The following ACTR3C variants were observed in gnomAD, a reference collection of about 807,000 sequenced individuals.
ACTR3C encodes the protein actin related protein 3C.
Under a neutral mutation model 26.3 loss-of-function variants are expected in ACTR3C, and 18 were observed. That is an observed-to-expected ratio of 0.68 (90% CI 0.47 to 1.01). The LOEUF is 1.01. ACTR3C is among the 50% of genes least tolerant of loss of function. The pLI, the probability that ACTR3C is intolerant of heterozygous loss-of-function variation, is 0.00. For synonymous variants in ACTR3C, 55 were observed against 94.5 expected (o/e 0.58, Z 2.42); for missense variants, 184 against 250.7 (o/e 0.73, Z 1.80).
chr7:150,006,989 C>A, the ACTR3C span, among the ~76,000 whole-genome samples: 4 of 152,112 alleles, frequency 2.6e-5, no homozygotes, highest in Non-Finnish European at 5.9e-5. Context: ...GTTTGTGGAC[C>A]AACAGCATCT....
At chr7:150,299,777 C>T (rs1041933363) in intron 1 of ACTR3C, among the ~76,000 whole-genome samples, 1 of 152,000 alleles carries the variant, frequency 6.6e-6, no homozygotes, top group African/African-American at 2.4e-5. Context: ...CAAGAGTTAA[C>T]TCCATCTCAA....
At chr7:149,894,963 A>G in the ACTR3C span, among the ~76,000 whole-genome samples, 3 of 152,040 alleles carry the variant, frequency 2.0e-5, no homozygotes, top group Admixed American at 1.3e-4. Context: ...ACTATTCACA[A>G]TAACCAAGAT....
intron 1 of ACTR3C, among the ~76,000 whole-genome samples, chr7:150,311,862 A>G (rs150210891): frequency 1.5e-3 from 228 of 152,328 alleles, no homozygotes; most frequent in Non-Finnish European, 2.4e-3. Context: ...CTCTCTCGCC[A>G]AAGGAATGCA....
At chr7:150,006,491 A>C in the ACTR3C span, among the ~76,000 whole-genome samples, 1 of 149,382 alleles carries the variant, frequency 6.7e-6, no homozygotes, top group Non-Finnish European at 1.5e-5. Context: ...GCCACCGCAA[A>C]CGGCCCAGAA....
At chr7:150,186,296 A>T in the ACTR3C span, among the ~76,000 whole-genome samples, 1 of 152,204 alleles carries the variant, frequency 6.6e-6, no homozygotes, top group African/African-American at 2.4e-5. Context: ...TGTCAGGGAA[A>T]TTTATCACGG....
At chr7:150,159,290 T>C in the ACTR3C span, among the ~76,000 whole-genome samples, 3 of 151,950 alleles carry the variant, frequency 2.0e-5, no homozygotes, top group Non-Finnish European at 4.4e-5. Context: ...GGGCTTGGTA[T>C]GTCTTCATTT....
At chr7:150,124,180 C>T in the ACTR3C span, among the ~76,000 whole-genome samples, 2 of 152,180 alleles carry the variant, frequency 1.3e-5, no homozygotes, top group Admixed American at 1.3e-4. Flanking sequence ...TTCTTGCCCT[C>T]CCATCCTGAT....
the ACTR3C span, among the ~76,000 whole-genome samples, chr7:150,151,144 C>T: frequency 8.1e-6 from 1 of 122,858 alleles, no homozygotes; most frequent in Non-Finnish European, 1.7e-5. Context: ...TCTCCATTTT[C>T]TTAGCTTCTA....
At chr7:150,280,650 T>A (rs1480030825) in intron 6 of ACTR3C, among the ~76,000 whole-genome samples, 1 of 152,136 alleles carries the variant, frequency 6.6e-6, no homozygotes, top group African/African-American at 2.4e-5. Flanking sequence ...GAATCTTACA[T>A]ATTCTCACTG....
At chr7:150,255,796 T>C (rs966494151) in intron 6 of ACTR3C, among the ~76,000 whole-genome samples, 13 of 152,252 alleles carry the variant, frequency 8.5e-5, no homozygotes, top group Admixed American at 1.3e-4. Context: ...AGTGTGTATA[T>C]CTGAAGTTTA....
intron 1 of ACTR3C, among the ~76,000 whole-genome samples, chr7:150,299,495 CAA>C (rs373387799): frequency 2.8e-3 from 239 of 84,576 alleles, no homozygotes; most frequent in Middle Eastern, 6.2e-3. Flanking sequence ...AAAAAAAAAA[CAA>C]AAAACAGGCT....
At chr7:150,323,046 C>G (rs1360941846) in intron 1 of ACTR3C, 1 of 152,744 alleles carries the variant, frequency 6.5e-6, no homozygotes, top group Admixed American at 6.5e-5. Context: ...CGCCATCCGT[C>G]CGGAGACTGG....
At chr7:149,892,315 T>C in the ACTR3C span, 1 of 1,601,222 alleles carries the variant, frequency 6.2e-7, no homozygotes, top group East Asian at 2.3e-5. Flanking sequence ...TCATCTCCTA[T>C]GAAAAAGTCA....
chr7:150,238,927 A>G (rs1002712016), downstream of ACTR3C, among the ~76,000 whole-genome samples: 17 of 149,328 alleles, frequency 1.1e-4, 1 homozygote, highest in Admixed American at 3.3e-4. Flanking sequence ...AAAACTCTAT[A>G]ACATTCATAT....
chr7:149,904,341 C>T, the ACTR3C span, among the ~76,000 whole-genome samples: 2 of 151,046 alleles, frequency 1.3e-5, no homozygotes, highest in African/African-American at 4.8e-5. Flanking sequence ...ACCAGCCTGG[C>T]CAACATAGTG....
At chr7:150,037,896 G>A in the ACTR3C span, among the ~76,000 whole-genome samples, 93 of 129,626 alleles carry the variant, frequency 7.2e-4, 10 homozygotes, top group Non-Finnish European at 1.2e-3. Flanking sequence ...GGGAAGAGGG[G>A]CTCGCTCTCA....
In ACTR3C at chr7:150,322,456, A is replaced by G. The variant is rs868535291; in HGVS notation, c.-52+1013T>C. 1.8e-4 allele frequency among the ~76,000 whole-genome samples: 27 copies of G among 152,354 alleles called. 1 individual carries two copies. The Middle Eastern group carries it at 0.01, about 58-fold the overall frequency. ...CCTCACTGCTCATTATGCACTAATT[A>G]TAATGCATTAGCATGCTAAAAGACA... On this transcript the variant is annotated intron_variant, in intron 1 of 7. Transcript: ENST00000683684.
the ACTR3C span, among the ~76,000 whole-genome samples, chr7:149,899,058 C>T: frequency 1.3e-5 from 2 of 151,976 alleles, no homozygotes; most frequent in Middle Eastern, 3.4e-3. Context: ...AGAACCTCAA[C>T]TTTGACCCCC....
the ACTR3C span, among the ~76,000 whole-genome samples, chr7:150,064,768 G>A: frequency 6.6e-6 from 1 of 151,088 alleles, no homozygotes; most frequent in African/African-American, 2.4e-5. Flanking sequence ...ACATTCGGAA[G>A]GCAGTCTATT....
Sources: allele counts gnomAD v4.1 joint callset (sites outside exome capture counted in the v4.1 genomes callset), GRCh38; gene constraint gnomAD v4.1.1; transcripts MANE v1.5; gene names NCBI Gene and HGNC (gene_info 2026-07-23, HGNC 2026-07-21).